Variants in RAB38 observed in about 807,000 individuals in gnomAD.
RAB38 encodes RAB38, member RAS oncogene family.
Under a neutral mutation model 18.4 loss-of-function variants are expected in RAB38, and 15 were observed. That is an observed-to-expected ratio of 0.82 (90% CI 0.55 to 1.26). RAB38 has a LOEUF of 1.26. Ranked by LOEUF, RAB38 falls within the 50% of genes most tolerant of loss-of-function variation. The pLI is 0.00. For missense variants in RAB38, 294 were observed against 267.4 expected (o/e 1.10, Z -0.69); for synonymous variants, 101 against 104.4 (o/e 0.97, Z 0.20).
the RAB38 span, among the ~76,000 whole-genome samples, chr11:88,048,439 A>T: frequency 6.6e-6 from 1 of 152,210 alleles, no homozygotes; most frequent in East Asian, 1.9e-4. Flanking sequence ...CAGGAAAGGC[A>T]GAACAGACTA....
At chr11:88,003,825 G>T in the RAB38 span, among the ~76,000 whole-genome samples, 17 of 654 alleles carry the variant, frequency 0.026, no homozygotes, top group Admixed American at 0.05. Flanking sequence ...ATATATAATA[G>T]ATTGTATAAT....
At chr11:87,891,639 C>T in the RAB38 span, among the ~76,000 whole-genome samples, 2 of 151,792 alleles carry the variant, frequency 1.3e-5, no homozygotes, top group African/African-American at 4.8e-5. Context: ...CAAAATTCTT[C>T]TCATCCCAGT....
chr11:88,030,527 T>C, the RAB38 span, among the ~76,000 whole-genome samples: 48 of 151,844 alleles, frequency 3.2e-4, no homozygotes, highest in Admixed American at 3.1e-3. Context: ...ATAGACGCAA[T>C]AAAAAATGAT....
chr11:88,067,792 A>C, the RAB38 span, among the ~76,000 whole-genome samples: 1 of 151,970 alleles, frequency 6.6e-6, no homozygotes, highest in African/African-American at 2.4e-5. Flanking sequence ...ACAAATACCT[A>C]ATGTATGTGG....
At chr11:88,164,816 A>AT (rs777764709) in intron 1 of RAB38, among the ~76,000 whole-genome samples, 40 of 149,308 alleles carry the variant, frequency 2.7e-4, no homozygotes, top group Middle Eastern at 3.5e-3. Flanking sequence ...AGTCTAGTGT[A>AT]TTTTTTTTTT....
intron 1 of RAB38, among the ~76,000 whole-genome samples, chr11:88,172,488 T>A (rs1233814098): frequency 6.6e-6 from 1 of 152,184 alleles, no homozygotes; most frequent in Admixed American, 6.5e-5. Flanking sequence ...TAATAACAAA[T>A]GTATATGATA....
the RAB38 span, among the ~76,000 whole-genome samples, chr11:88,023,191 T>A: frequency 6.6e-5 from 10 of 152,204 alleles, no homozygotes; most frequent in African/African-American, 2.4e-4. Flanking sequence ...GTTAATATTT[T>A]AAAAAATTAA....
At chr11:87,831,685 G>T in the RAB38 span, among the ~76,000 whole-genome samples, 3 of 152,290 alleles carry the variant, frequency 2.0e-5, no homozygotes, top group South Asian at 6.2e-4. Context: ...CTGGTACCTT[G>T]GAAGCTTGGC....
the RAB38 span, among the ~76,000 whole-genome samples, chr11:87,938,581 GTT>G: frequency 1.5e-5 from 2 of 134,092 alleles, no homozygotes; most frequent in Non-Finnish European, 3.2e-5. Context: ...TGTTTGAAAG[GTT>G]TTTTTTTCTT....
chr11:87,941,214 GATATATAT>G, the RAB38 span, among the ~76,000 whole-genome samples: 104 of 62,558 alleles, frequency 1.7e-3, 4 homozygotes, highest in African/African-American at 3.9e-3. Context: ...AAATATATGA[GATATATAT>G]ATATATATAT....
chr11:88,064,111 A>G, the RAB38 span, among the ~76,000 whole-genome samples: 1 of 152,236 alleles, frequency 6.6e-6, no homozygotes, highest in African/African-American at 2.4e-5. Context: ...TCATCAATGG[A>G]GATTCCAAAT....
chr11:88,162,710 T>C (rs915734066), intron 1 of RAB38, among the ~76,000 whole-genome samples: 4 of 151,972 alleles, frequency 2.6e-5, no homozygotes, highest in Admixed American at 6.6e-5. Flanking sequence ...TAGAAAAAAA[T>C]CCTTGCCTTC....
the RAB38 span, among the ~76,000 whole-genome samples, chr11:87,868,966 T>C: frequency 6.6e-6 from 1 of 151,700 alleles, no homozygotes; most frequent in Non-Finnish European, 1.5e-5. Context: ...AAACCAAGAC[T>C]GGAACTGTTT....
the RAB38 span, among the ~76,000 whole-genome samples, chr11:88,077,870 T>C: frequency 6.6e-6 from 1 of 152,038 alleles, no homozygotes; most frequent in Non-Finnish European, 1.5e-5. Context: ...GATAACCCAC[T>C]GAATGGGGGA....
chr11:87,848,910 A>G, the RAB38 span, among the ~76,000 whole-genome samples: 1 of 152,092 alleles, frequency 6.6e-6, no homozygotes, highest in Non-Finnish European at 1.5e-5. Context: ...ATTAATGCCA[A>G]CCCCAATGTG....
the RAB38 span, among the ~76,000 whole-genome samples, chr11:87,868,083 A>T: frequency 1.3e-5 from 2 of 151,714 alleles, no homozygotes; most frequent in Non-Finnish European, 3.0e-5. Flanking sequence ...TATGTTCTAT[A>T]GCTTGGATAT....
At chr11:87,885,487 A>G in the RAB38 span, among the ~76,000 whole-genome samples, 4 of 152,150 alleles carry the variant, frequency 2.6e-5, no homozygotes, top group South Asian at 4.1e-4. Flanking sequence ...CATGTAGCCT[A>G]GGCACGAAAT....
chr11:87,946,494 C>A, the RAB38 span, among the ~76,000 whole-genome samples: 1 of 152,122 alleles, frequency 6.6e-6, no homozygotes, highest in African/African-American at 2.4e-5. Context: ...CACCCATTAA[C>A]TCCTCATTTA....
At chr11:87,976,728 T>C in the RAB38 span, among the ~76,000 whole-genome samples, 1 of 119,078 alleles carries the variant, frequency 8.4e-6, no homozygotes, top group African/African-American at 3.4e-5. Flanking sequence ...CTATATATTT[T>C]ATATAATATA....
Sources: gnomAD v4.1 joint callset for allele counts (sites outside exome capture counted in the v4.1 genomes callset) on GRCh38, gnomAD v4.1.1 for gene constraint, MANE v1.5 for transcripts, NCBI Gene and HGNC (gene_info 2026-07-23, HGNC 2026-07-21) for gene names.